The following LRRC4C variants were observed in gnomAD, a reference collection of about 807,000 sequenced individuals.
LRRC4C encodes leucine rich repeat containing 4C, also known as leucine-rich repeat-containing protein 4C.
A neutral mutation model predicts 33.6 loss-of-function variants in LRRC4C; 5 were observed. That is an observed-to-expected ratio of 0.15 (90% CI 0.08 to 0.31). The LOEUF is 0.31. LRRC4C is among the 10% of genes least tolerant of loss of function. The pLI is 1.00. For missense variants in LRRC4C, 560 were observed against 796.7 expected, an observed-to-expected ratio of 0.70 and a Z score of 3.58; for synonymous variants, 329 against 302.0, an observed-to-expected ratio of 1.09 and a Z score of -0.93.
At position 41,123,261 on chromosome 11, in the gene LRRC4C, G is replaced by GTTTTTGTTTTT. The variant is rs1565404058; in HGVS notation, c.-495-189539_-495-189538insAAAAACAAAAA. Among the ~76,000 whole-genome samples, 6 of 48,086 alleles carry GTTTTTGTTTTT rather than the reference G, an allele frequency of 1.2e-4. 1 individual carries two copies. Among genetic ancestry groups the GTTTTTGTTTTT allele is most frequent in the Non-Finnish European group, 2.4e-4 (5 of 20,806 alleles). The allele number at this position is 48,086 out of a possible 152,430, so 31.5% of individuals were successfully genotyped here. A position where few individuals can be genotyped will look rare whatever the true frequency, so the allele number is the denominator to read the frequency against. ...CTTTCTCTATCCTGAGCTATGTTTT[G>GTTTTTGTTTTT]TTTTTTTTTTTTTTTTTTTTTTTTT... On this transcript the variant is annotated intron_variant, in intron 1 of 6. Coordinates refer to ENST00000528697, the MANE Select transcript of LRRC4C (RefSeq NM_001258419.2).
chr11:40,756,747 A>C (rs1036188009), intron 2 of LRRC4C, among the ~76,000 whole-genome samples: 1 of 152,074 alleles, frequency 6.6e-6, no homozygotes, highest in African/African-American at 2.4e-5. Context: ...TTTTCAAAAC[A>C]TTTTCACAAA....
At chr11:41,152,825 G>A (rs77051768) in intron 1 of LRRC4C, among the ~76,000 whole-genome samples, 9 of 152,126 alleles carry the variant, frequency 5.9e-5, no homozygotes, top group East Asian at 3.8e-4. Flanking sequence ...AGGTCACTTT[G>A]TCTGTAGAAG....
intron 1 of LRRC4C, among the ~76,000 whole-genome samples, chr11:41,416,190 G>A (rs1218653678): frequency 6.6e-6 from 1 of 151,988 alleles, no homozygotes; most frequent in Non-Finnish European, 1.5e-5. Context: ...CAGAGGAGAA[G>A]AGGAAAAAAT....
chr11:40,349,367 A>C (rs186031118), intron 3 of LRRC4C, among the ~76,000 whole-genome samples: 7 of 151,972 alleles, frequency 4.6e-5, no homozygotes. Flanking sequence ...AAAGACCTCC[A>C]GTTCCGTCTA....
chr11:40,567,431 C>T lies in LRRC4C; in HGVS notation c.-270+80711G>A, dbSNP rs567849050. 2.6e-5 allele frequency among the ~76,000 whole-genome samples: 4 copies of T among 152,240 alleles called. No homozygotes were observed. The East Asian group carries it at 7.7e-4, about 29-fold the overall frequency. ...TTCACAAATGTTATCTCTTTTAATCCTTCCAACAGCAGTTTGACGTAATTA... is the reference window on the plus strand; with the variant it reads ...TTCACAAATGTTATCTCTTTTAATCTTTCCAACAGCAGTTTGACGTAATTA... On this transcript the variant is annotated intron_variant, in intron 3 of 6. Coordinates refer to ENST00000528697, the MANE Select transcript of LRRC4C (RefSeq NM_001258419.2).
intron 3 of LRRC4C, chr11:40,446,873 G>T (rs1040627280): frequency 6.6e-6 from 1 of 152,116 alleles, no homozygotes; most frequent in Non-Finnish European, 1.5e-5. Flanking sequence ...CCTCCAACTG[G>T]TCCCTCCCTT....
chr11:40,238,075 CA>C (rs895663644), intron 5 of LRRC4C, among the ~76,000 whole-genome samples: 4 of 152,138 alleles, frequency 2.6e-5, no homozygotes, highest in Non-Finnish European at 4.4e-5. Context: ...CAAAGGGATC[CA>C]AAATTTGTAC....
rs112544595 is a variant in LRRC4C, at chr11:40,890,635, A to C, written c.-407+43000T>G. Among the ~76,000 whole-genome samples, 310 of 152,248 alleles carry C rather than the reference A, an allele frequency of 2.0e-3. 1 individual carries two copies. The highest frequency in any genetic ancestry group is 7.0e-3 in the African/African-American group (290 of 41,534). Reference sequence around the variant, plus strand: ...AATGGTGTTTGTCATTGGTGAGGAGACCATTGTTCTATGGGAGTAGAATAG... The same window carrying C: ...AATGGTGTTTGTCATTGGTGAGGAGCCCATTGTTCTATGGGAGTAGAATAG... On this transcript the variant is annotated intron_variant, in intron 2 of 6. Transcript: ENST00000528697.
chr11:40,220,931 A>G (rs1221246888), intron 5 of LRRC4C, among the ~76,000 whole-genome samples: 1 of 149,986 alleles, frequency 6.7e-6, no homozygotes, highest in Non-Finnish European at 1.5e-5. Flanking sequence ...GCTGGAGTGC[A>G]GTGATGAAAT....
intron 3 of LRRC4C, among the ~76,000 whole-genome samples, chr11:40,529,211 G>A (rs1224792709): frequency 1.3e-5 from 2 of 151,946 alleles, no homozygotes; most frequent in East Asian, 1.9e-4. Context: ...TTTTGGAGCT[G>A]ATGTATATTT....
intron 2 of LRRC4C, among the ~76,000 whole-genome samples, chr11:40,931,661 ATGTGTG>A (rs56698782): frequency 4.0e-5 from 6 of 150,392 alleles, no homozygotes; most frequent in African/African-American, 1.2e-4. Context: ...AGGGGTGTGT[ATGTGTG>A]TGTGTGTGTG....
intron 4 of LRRC4C, chr11:40,293,795 G>C (rs1326030284): frequency 6.6e-6 from 1 of 152,146 alleles, no homozygotes; most frequent in Non-Finnish European, 1.5e-5. Flanking sequence ...CCCGATGTCT[G>C]CTAGTCCTCT....
intron 2 of LRRC4C, among the ~76,000 whole-genome samples, chr11:40,732,185 A>C (rs1947620543): frequency 6.6e-6 from 1 of 152,224 alleles, no homozygotes; most frequent in Non-Finnish European, 1.5e-5. Context: ...AAAATTATTG[A>C]ACAGTTTGTG....
intron 2 of LRRC4C, among the ~76,000 whole-genome samples, chr11:40,665,823 C>T: frequency 6.6e-6 from 1 of 151,878 alleles, no homozygotes; most frequent in African/African-American, 2.4e-5. Context: ...ATTAGATTAG[C>T]CAGTCAATTT....
intron 5 of LRRC4C, among the ~76,000 whole-genome samples, chr11:40,175,277 T>C (rs1351332953): frequency 1.3e-5 from 2 of 152,244 alleles, no homozygotes; most frequent in African/African-American, 4.8e-5. Flanking sequence ...ATAGATAACC[T>C]AAATAATTTC....
At chr11:41,109,918 G>A (rs1465522947) in intron 1 of LRRC4C, among the ~76,000 whole-genome samples, 2 of 151,780 alleles carry the variant, frequency 1.3e-5, no homozygotes, top group Non-Finnish European at 2.9e-5. Context: ...CTTTTTCTTC[G>A]AGATCATTTC....
intron 1 of LRRC4C, among the ~76,000 whole-genome samples, chr11:41,115,489 C>G (rs746508506): frequency 6.6e-6 from 1 of 151,598 alleles, no homozygotes; most frequent in Non-Finnish European, 1.5e-5. Context: ...TTTTGCTATT[C>G]ATTCTTTTCT....
chr11:40,976,143 G>A (rs142332448), intron 1 of LRRC4C, among the ~76,000 whole-genome samples: 64 of 152,208 alleles, frequency 4.2e-4, no homozygotes, highest in African/African-American at 1.4e-3. Context: ...ATTATACTGC[G>A]TATGCACTTG....
At chr11:40,396,403 G>C (rs1384051030) in intron 3 of LRRC4C, among the ~76,000 whole-genome samples, 7 of 152,036 alleles carry the variant, frequency 4.6e-5, no homozygotes, top group African/African-American at 1.7e-4. Context: ...GGGGCATAAT[G>C]TCCCTTTTAA....
Sources: gnomAD v4.1 joint callset for allele counts (sites outside exome capture counted in the v4.1 genomes callset) on GRCh38, gnomAD v4.1.1 for gene constraint, MANE v1.5 for transcripts, NCBI Gene and HGNC (gene_info 2026-07-23, HGNC 2026-07-21) for gene names.